PRR33: variants seen among roughly 807,000 people sequenced by gnomAD.
PRR33 encodes the protein proline-rich protein 33.
Under a neutral mutation model 0.5 loss-of-function variants are expected in PRR33, and 1 was observed. The ratio of observed to expected loss-of-function variants is 2.18; its 90% CI spans 0.77 to 10.34. PRR33 has a LOEUF of 10.34. Ranked by LOEUF, PRR33 falls within the 30% of genes most tolerant of loss-of-function variation. The pLI, the probability that PRR33 is intolerant of heterozygous loss-of-function variation, is 0.13. For synonymous variants in PRR33, 226 were observed against 110.0 expected (o/e 2.06, Z -6.60); for missense variants, 552 against 251.8 (o/e 2.19, Z -8.07).
At chr11:1,915,285 A>T in the PRR33 span, among the ~76,000 whole-genome samples, 1 of 138,754 alleles carries the variant, frequency 7.2e-6, no homozygotes, top group Non-Finnish European at 1.5e-5. Context: ...CCTGGGGATG[A>T]TGTTATTCTC....
chr11:1,890,403 G>A (rs1006965181), exon 1 of PRR33: 1 of 717,198 alleles, frequency 1.4e-6, no homozygotes, highest in Admixed American at 2.0e-5. Context: ...GGTGCGGAAG[G>A]CCCTGGGTGG....
the PRR33 span, among the ~76,000 whole-genome samples, chr11:1,906,698 T>C: frequency 6.6e-6 from 1 of 152,210 alleles, no homozygotes; most frequent in Non-Finnish European, 1.5e-5. Flanking sequence ...CTGTGCGTGA[T>C]AGGGTTTTCT....
Position 1,888,684 on chromosome 11 carries a change from G to A in PRR33, c.*461C>T, listed in dbSNP as rs142444064. ...AAAACTGCTGACTGCTCCTGACGCC[G>A]ATGGCCAAGCCAGCCTGACCGCACC... On this transcript the variant is annotated 3_prime_UTR_variant, in exon 1 of 1. Coordinates refer to ENST00000640310, the Ensembl canonical transcript of PRR33. 1.9e-3 allele frequency: 291 copies of A among 155,732 alleles called. 2 individuals are homozygous for A. The highest frequency in any genetic ancestry group is 6.5e-3 in the African/African-American group (272 of 41,658). The allele number at this position is 155,732 out of a possible 1,614,324, so 9.6% of individuals were successfully genotyped here.
rs763779929 is a variant in PRR33, at chr11:1,890,589, G to A, written c.-5C>T. The A allele has an allele frequency of 7.1e-6, 5 of 703,192 alleles. No individual in the cohort carries two copies. The highest frequency in any genetic ancestry group is 1.7e-5 in the African/African-American group (1 of 57,148). The allele number at this position is 703,192 out of a possible 1,614,324, so 43.6% of individuals were successfully genotyped here. A position where few individuals can be genotyped will look rare whatever the true frequency, so the allele number is the denominator to read the frequency against. ...CGACGCAGCCGATATGAGCATGACT[G>A]TGTCCTAGGGTGGGAGGGACAGTGG... On this transcript the variant is annotated 5_prime_UTR_variant, in exon 1 of 1. It introduces an in-frame stop codon into an upstream open reading frame of the 5' UTR. Transcript: ENST00000640310.
chr11:1,907,357 C>T, the PRR33 span, among the ~76,000 whole-genome samples: 1 of 152,222 alleles, frequency 6.6e-6, no homozygotes, highest in Non-Finnish European at 1.5e-5. Context: ...TGTTCTAAAG[C>T]TGGAAACATT....
chr11:1,894,075 T>A (rs1257286964), upstream of PRR33, among the ~76,000 whole-genome samples: 16 of 880 alleles, frequency 0.018, no homozygotes, highest in South Asian at 0.11. Flanking sequence ...TGTGTGTGTG[T>A]GTGATAGGGC....
At chr11:1,890,999 G>A in exon 1 of PRR33, 1 of 170,732 alleles carries the variant, frequency 5.9e-6, no homozygotes, top group Non-Finnish European at 1.3e-5. Flanking sequence ...CCAGCTGCTG[G>A]CCAAGCCCAG....
chr11:1,890,392 A>C (rs1323500086), exon 1 of PRR33: 1 of 716,686 alleles, frequency 1.4e-6, no homozygotes, highest in East Asian at 2.7e-5. Context: ...GGGGACAGGG[A>C]GGTGCGGAAG....
At chr11:1,907,355 A>G in the PRR33 span, among the ~76,000 whole-genome samples, 5 of 152,200 alleles carry the variant, frequency 3.3e-5, no homozygotes, top group Non-Finnish European at 5.9e-5. Context: ...ACTGTTCTAA[A>G]GCTGGAAACA....
the PRR33 span, among the ~76,000 whole-genome samples, chr11:1,911,425 G>C: frequency 6.6e-6 from 1 of 152,144 alleles, no homozygotes; most frequent in Non-Finnish European, 1.5e-5. Context: ...CTGGGTGACA[G>C]AGTGAGACTC....
the PRR33 span, among the ~76,000 whole-genome samples, chr11:1,898,361 G>A: frequency 6.6e-6 from 1 of 151,890 alleles, no homozygotes; most frequent in Admixed American, 6.6e-5. Flanking sequence ...TCAGCCTCAC[G>A]ATTAGTTGAG....
exon 1 of PRR33, chr11:1,889,307 G>T: frequency 1.4e-6 from 1 of 706,460 alleles, no homozygotes; most frequent in South Asian, 1.5e-5. Context: ...GGCTGGCTGG[G>T]GTGTGCTCCC....
upstream of PRR33, among the ~76,000 whole-genome samples, chr11:1,894,057 AGT>A (rs61527876): frequency 1.6e-3 from 86 of 53,102 alleles, no homozygotes; most frequent in African/African-American, 3.2e-3. Context: ...GGAGTGTGGG[AGT>A]GTGTGTGTGT....
the PRR33 span, among the ~76,000 whole-genome samples, chr11:1,916,717 G>A: frequency 6.6e-6 from 1 of 152,108 alleles, no homozygotes; most frequent in Non-Finnish European, 1.5e-5. Context: ...GCACCCCTCG[G>A]CTCAGCCTCG....
chr11:1,917,323 G>A, the PRR33 span, among the ~76,000 whole-genome samples: 1 of 152,184 alleles, frequency 6.6e-6, no homozygotes, highest in African/African-American at 2.4e-5. Flanking sequence ...CACCATCTGG[G>A]GGCCACCCAG....
the PRR33 span, among the ~76,000 whole-genome samples, chr11:1,914,582 C>CTGTGTGTGTGTG: frequency 1.1e-4 from 14 of 130,184 alleles, no homozygotes; most frequent in African/African-American, 4.3e-4. Context: ...GGATGTTGCT[C>CTGTGTGTGTGTG]TGTGTGTGTG....
chr11:1,913,140 C>CT, the PRR33 span, among the ~76,000 whole-genome samples: 108 of 149,970 alleles, frequency 7.2e-4, no homozygotes, highest in African/African-American at 2.5e-3. Context: ...TTCCTCCTTT[C>CT]TTTTTTTTGA....
At chr11:1,891,084 T>C (rs949997624) in exon 1 of PRR33, 1 of 157,574 alleles carries the variant, frequency 6.3e-6, no homozygotes, top group Non-Finnish European at 1.4e-5. Flanking sequence ...GCGCGTCCGC[T>C]GCGAGCCAGC....
chr11:1,890,004 G>C (rs972537740), exon 1 of PRR33: 1 of 662,230 alleles, frequency 1.5e-6, no homozygotes. Context: ...GGGAGGCTCA[G>C]GGGTCCCATT....
Sources: gnomAD v4.1 joint callset for allele counts (sites outside exome capture counted in the v4.1 genomes callset) on GRCh38, gnomAD v4.1.1 for gene constraint, MANE v1.5 for transcripts, NCBI Gene and HGNC (gene_info 2026-07-23, HGNC 2026-07-21) for gene names.